Variants in SERGEF observed in about 807,000 individuals in gnomAD.
SERGEF encodes the protein secretion regulating guanine nucleotide exchange factor.
SERGEF carries 51 observed loss-of-function variants against 50.0 expected under a neutral mutation model. The ratio of observed to expected loss-of-function variants is 1.02; its 90% CI spans 0.81 to 1.29. The LOEUF is 1.29. SERGEF is among the 50% of genes most tolerant of loss of function. SERGEF has a pLI of 0.00. For synonymous variants in SERGEF, 205 were observed against 212.4 expected (o/e 0.97, Z 0.30); for missense variants, 521 against 557.0 (o/e 0.94, Z 0.65).
At chr11:17,988,808 G>T in intron 7 of SERGEF, 53 bp from the exon 8 acceptor site, 2 of 1,541,554 alleles carry the variant, frequency 1.3e-6, no homozygotes, top group Non-Finnish European at 1.8e-6. Context: ...AGTCCAAAAT[G>T]ATGGAAAATA....
chr11:17,890,444 CTG>C (rs148597195), intron 9 of SERGEF, among the ~76,000 whole-genome samples: 2 of 151,686 alleles, frequency 1.3e-5, no homozygotes, highest in African/African-American at 4.8e-5. Context: ...AAAAGTAGGG[CTG>C]TGTGTGTGTG....
At chr11:17,845,544 G>A (rs1336117869) in intron 10 of SERGEF, among the ~76,000 whole-genome samples, 2 of 152,162 alleles carry the variant, frequency 1.3e-5, no homozygotes, top group African/African-American at 2.4e-5. Context: ...GATATACTAG[G>A]CAAGACACAC....
intron 9 of SERGEF, among the ~76,000 whole-genome samples, chr11:17,924,765 A>G (rs550449648): frequency 1.3e-5 from 2 of 152,270 alleles, no homozygotes; most frequent in Admixed American, 6.5e-5. Flanking sequence ...AAAAATTGCA[A>G]CTGGCCCTTG....
At chr11:17,891,256 G>A (rs1044889990) in intron 9 of SERGEF, among the ~76,000 whole-genome samples, 2 of 152,188 alleles carry the variant, frequency 1.3e-5, no homozygotes, top group Non-Finnish European at 2.9e-5. Context: ...AAGTTGTAGA[G>A]ATGCAGAATT....
intron 9 of SERGEF, among the ~76,000 whole-genome samples, chr11:17,950,866 G>A (rs1477022795): frequency 1.3e-5 from 2 of 152,202 alleles, no homozygotes; most frequent in Non-Finnish European, 2.9e-5. Context: ...CCTGGGCAAA[G>A]CCTGGGGCGG....
At chr11:17,880,228 G>C (rs963160122) in intron 9 of SERGEF, among the ~76,000 whole-genome samples, 1 of 152,152 alleles carries the variant, frequency 6.6e-6, no homozygotes, top group African/African-American at 2.4e-5. Context: ...TTTAAGGCTG[G>C]CTCTGTGTCT....
intron 9 of SERGEF, among the ~76,000 whole-genome samples, chr11:17,940,592 T>C (rs1382415393): frequency 6.6e-6 from 1 of 152,062 alleles, no homozygotes; most frequent in Non-Finnish European, 1.5e-5. Context: ...CAGTCTTTTT[T>C]TCTCTCTCTC....
At chr11:17,916,106 C>A (rs1175419259) in intron 9 of SERGEF, among the ~76,000 whole-genome samples, 1 of 152,184 alleles carries the variant, frequency 6.6e-6, no homozygotes, top group Non-Finnish European at 1.5e-5. Flanking sequence ...CATCTGGATG[C>A]AATGAAGACC....
intron 10 of SERGEF, among the ~76,000 whole-genome samples, chr11:17,845,697 T>C (rs897262352): frequency 3.9e-5 from 6 of 152,234 alleles, no homozygotes; most frequent in Admixed American, 3.9e-4. Context: ...ACTGATACTG[T>C]GACTCATGTT....
rs528724763 is a variant in SERGEF, at chr11:17,919,329, T to A, written c.1011+40141A>T. 5.9e-5 allele frequency among the ~76,000 whole-genome samples: 9 copies of A among 152,094 alleles called. 1 individual carries two copies. In the South Asian group the frequency reaches 1.9e-3, roughly 32 times the overall value. ...GAAAGGGTAAGGGGAGGGATGGAGA[T>A]GGAGAGACCGGAAGCCTCAGATCTA... On this transcript the variant is annotated intron_variant, in intron 9 of 10. Transcript: ENST00000265965.
intron 9 of SERGEF, among the ~76,000 whole-genome samples, chr11:17,880,655 A>C (rs1851319554): frequency 6.6e-6 from 1 of 152,182 alleles, no homozygotes; most frequent in Admixed American, 6.5e-5. Flanking sequence ...TAATTAGGGA[A>C]AAATCTATTA....
At chr11:17,993,414 C>T (rs1407096035) in intron 6 of SERGEF, among the ~76,000 whole-genome samples, 1 of 152,118 alleles carries the variant, frequency 6.6e-6, no homozygotes, top group African/African-American at 2.4e-5. Flanking sequence ...TATTTCCTAA[C>T]TCCAGCAGTT....
intron 10 of SERGEF, among the ~76,000 whole-genome samples, chr11:17,860,628 T>C (rs764419821): frequency 4.6e-5 from 7 of 152,220 alleles, no homozygotes; most frequent in Middle Eastern, 3.2e-3. Flanking sequence ...TTAAACTATG[T>C]ACATACACTA....
intron 7 of SERGEF, among the ~76,000 whole-genome samples, chr11:17,990,940 A>T (rs1024782293): frequency 9.9e-5 from 15 of 151,912 alleles, no homozygotes; most frequent in Non-Finnish European, 2.1e-4. Context: ...CTAATTTTGA[A>T]TTTTTTGGTA....
intron 8 of SERGEF, among the ~76,000 whole-genome samples, chr11:17,986,953 G>A (rs1853612992): frequency 6.6e-6 from 1 of 152,146 alleles, no homozygotes; most frequent in African/African-American, 2.4e-5. Flanking sequence ...ACAAGGCATG[G>A]TACATAAAAA....
At chr11:18,006,795 A>G (rs1854084141) in intron 2 of SERGEF, 49 bp from the exon 3 acceptor site, 1 of 1,583,274 alleles carries the variant, frequency 6.3e-7, no homozygotes, top group Non-Finnish European at 8.6e-7. Context: ...AAAAAACACA[A>G]CTGCAAAATG....
At chr11:17,881,739 A>C (rs944080428) in intron 9 of SERGEF, among the ~76,000 whole-genome samples, 1 of 152,198 alleles carries the variant, frequency 6.6e-6, no homozygotes, top group African/African-American at 2.4e-5. Context: ...AAAGTAGATA[A>C]CAGTGTCTTC....
intron 8 of SERGEF, among the ~76,000 whole-genome samples, chr11:17,972,829 C>G (rs978773940): frequency 2.6e-5 from 4 of 152,038 alleles, no homozygotes; most frequent in African/African-American, 7.2e-5. Context: ...GCCTCCATCC[C>G]AGGGATGGCT....
intron 10 of SERGEF, among the ~76,000 whole-genome samples, chr11:17,863,929 T>A: frequency 6.6e-6 from 1 of 152,192 alleles, no homozygotes; most frequent in Non-Finnish European, 1.5e-5. Context: ...AAGACAGACT[T>A]TGAGAGTTGC....
Sources: allele counts gnomAD v4.1 joint callset (sites outside exome capture counted in the v4.1 genomes callset), GRCh38; gene constraint gnomAD v4.1.1; transcripts MANE v1.5; gene names NCBI Gene and HGNC (gene_info 2026-07-23, HGNC 2026-07-21).